The following GAREM2 variants were observed in gnomAD, a reference collection of about 807,000 sequenced individuals.
The protein encoded by GAREM2 is GRB2 associated regulator of MAPK1 subtype 2.
GAREM2 carries 30 observed loss-of-function variants against 55.6 expected under a neutral mutation model. That is an observed-to-expected ratio of 0.54 (90% CI 0.40 to 0.73). The LOEUF is 0.73. GAREM2 is among the 30% of genes least tolerant of loss of function. The pLI is 0.00. For missense variants in GAREM2, 1,075 were observed against 1,257.7 expected (o/e 0.85, Z 2.20); for synonymous variants, 550 against 569.1 (o/e 0.97, Z 0.48).
At chr2:26,185,383 C>T in intron 4 of GAREM2, 107 bp downstream of exon 4, 8 of 1,374,806 alleles carry the variant, frequency 5.8e-6, no homozygotes, top group Non-Finnish European at 6.6e-6. Context: ...TCTTCCTCGG[C>T]GGGGTGGGGA....
intron 2 of GAREM2, chr2:26,182,592 G>A: frequency 1.7e-6 from 2 of 1,180,894 alleles, no homozygotes; most frequent in Non-Finnish European, 2.5e-6. Flanking sequence ...GTCAGGCTGG[G>A]ACAGAGCAAG....
In GAREM2 at chr2:26,186,224, A is replaced by G. The variant is rs1175793808; in HGVS notation, c.1464A>G (p.Pro488=). 1.4e-5 allele frequency: 22 copies of G among 1,542,446 alleles called. No homozygotes were observed. The highest frequency in any genetic ancestry group is 1.8e-5 in the Non-Finnish European group (21 of 1,142,256). ...AGTGCCGCCTGCTCAATGCCCCTCC[A>G]GTGCCTCCCCGGGGTGGCAATGGCA... ...KEECRLLNAP[P]VPPRGGNGSG... Residue 488 remains proline, a synonymous_variant, in exon 5 of 6, where the codon CCA becomes CCG. Coordinates refer to ENST00000401533, the MANE Select transcript of GAREM2 (RefSeq NM_001168241.2).
intron 3 of GAREM2, 64 bp downstream of exon 3, chr2:26,183,161 ACT>A (rs2147732375): frequency 6.6e-7 from 1 of 1,519,438 alleles, no homozygotes; most frequent in East Asian, 2.5e-5. Context: ...GGCAACCCTG[ACT>A]CTGGTTGGAA....
rs1252369231 is a variant in GAREM2, at chr2:26,188,270, G to T, written c.*13G>T. 2 of 1,434,660 alleles carry T rather than the reference G, an allele frequency of 1.4e-6. No individual in the cohort carries two copies. The highest frequency in any genetic ancestry group is 3.0e-5 in the South Asian group (2 of 66,352). The allele number at this position is 1,434,660 out of a possible 1,614,324, so 88.9% of individuals were successfully genotyped here. A position where few individuals can be genotyped will look rare whatever the true frequency, so the allele number is the denominator to read the frequency against. On this transcript the variant is annotated 3_prime_UTR_variant, in exon 6 of 6. Coordinates refer to ENST00000401533, the MANE Select transcript of GAREM2 (RefSeq NM_001168241.2). ...GCCCAAGATCTGAACTGCCCAGCTG[G>T]AGCTGCACAGCTGGAATGCTGGTAT... is the stretch of plus-strand genomic sequence containing the variant.
At position 26,188,445 on chromosome 2, in the gene GAREM2, C is replaced by T; in HGVS notation, c.*188C>T. 2.2e-6 allele frequency: 1 copy of T among 461,886 alleles called. No homozygotes were observed. Among genetic ancestry groups the T allele is most frequent in the South Asian group, 5.1e-5 (1 of 19,430 alleles). The allele number at this position is 461,886 out of a possible 1,614,324, so 28.6% of individuals were successfully genotyped here. A position where few individuals can be genotyped will look rare whatever the true frequency, so the allele number is the denominator to read the frequency against. On this transcript the variant is annotated 3_prime_UTR_variant, in exon 6 of 6. Transcript: ENST00000401533. ...TCTGGGGTCAGACCCCTGCACGGGA[C>T]ATCTTGCCTTTGAGTGTGCAGAGTA...
chr2:26,181,283 C>T (rs766051678), intron 2 of GAREM2: 9 of 261,248 alleles, frequency 3.4e-5, no homozygotes, highest in Non-Finnish European at 5.4e-5. Flanking sequence ...TCCTTCCCTG[C>T]AGGCACGCAC....
At chr2:26,203,734 G>A in the GAREM2 span, among the ~76,000 whole-genome samples, 4 of 151,986 alleles carry the variant, frequency 2.6e-5, no homozygotes, top group South Asian at 6.2e-4. Flanking sequence ...ATCAAAATCC[G>A]CAGGCCTGAT....
chr2:26,191,276 T>C (rs1166344679), downstream of GAREM2: 1 of 1,612,996 alleles, frequency 6.2e-7, no homozygotes, highest in South Asian at 1.1e-5. Context: ...TTGTTAGGGC[T>C]GTTAGCATGG....
chr2:26,186,943 C>G lies in GAREM2; in HGVS notation c.1599-288C>G, dbSNP rs186464043. ...TGAGCCAAGATTGCACCACTGCACT[C>G]CAGCCTGGGCAACAGAGCGAGAACA... On this transcript the variant is annotated intron_variant, in intron 5 of 5. Coordinates refer to ENST00000401533, the MANE Select transcript of GAREM2 (RefSeq NM_001168241.2). 1.4e-4 allele frequency among the ~76,000 whole-genome samples: 21 copies of G among 152,188 alleles called. No individual in the cohort carries two copies. In the East Asian group the frequency reaches 4.0e-3, roughly 29 times the overall value.
At chr2:26,198,224 A>G in the GAREM2 span, among the ~76,000 whole-genome samples, 1 of 152,170 alleles carries the variant, frequency 6.6e-6, no homozygotes, top group African/African-American at 2.4e-5. Context: ...GTCTCATTTT[A>G]TACAGTGTGT....
chr2:26,176,241 T>G (rs1668860537), intron 1 of GAREM2, 103 bp from the exon 2 acceptor site: 1 of 1,171,012 alleles, frequency 8.5e-7, no homozygotes, highest in African/African-American at 1.6e-5. Context: ...GAGCTGTCCC[T>G]CAGGGGGGCG....
rs1668762922 is a variant in GAREM2 at position 26,173,391 on chromosome 2, C to A, written c.112+59C>A. Reference sequence around the variant, plus strand: ...CGCGGGGAAATGGTGGGCTCTCCAGCCAGGGGCCAGAGGGATCGTGAGGAG... The same window carrying A: ...CGCGGGGAAATGGTGGGCTCTCCAGACAGGGGCCAGAGGGATCGTGAGGAG... On this transcript the variant is annotated intron_variant, in intron 1 of 5. Coordinates refer to ENST00000401533, the MANE Select transcript of GAREM2 (RefSeq NM_001168241.2). The A allele has an allele frequency of 7.0e-6, 7 of 1,001,766 alleles. 1 individual carries two copies. The South Asian group carries it at 1.6e-4, about 23-fold the overall frequency. The allele number at this position is 1,001,766 out of a possible 1,614,324, so 62.1% of individuals were successfully genotyped here. A position where few individuals can be genotyped will look rare whatever the true frequency, so the allele number is the denominator to read the frequency against.
the GAREM2 span, among the ~76,000 whole-genome samples, chr2:26,200,759 G>A: frequency 6.7e-6 from 1 of 148,954 alleles, no homozygotes; most frequent in Non-Finnish European, 1.5e-5. Flanking sequence ...TGGAGATGGA[G>A]TCTCGCTCTG....
At chr2:26,203,627 C>T in the GAREM2 span, among the ~76,000 whole-genome samples, 1 of 152,156 alleles carries the variant, frequency 6.6e-6, no homozygotes, top group Non-Finnish European at 1.5e-5. Flanking sequence ...CAGTTACTGC[C>T]CATTTCCTTA....
At chr2:26,193,613 C>G (rs755224363), downstream of GAREM2, 3 of 1,614,050 alleles carry the variant, frequency 1.9e-6, no homozygotes, top group Non-Finnish European at 2.5e-6. Context: ...GTCAGCAGTT[C>G]TGGGTTTCCA....
At position 26,187,589 on chromosome 2, in the gene GAREM2, A is replaced by G; in HGVS notation, c.1957A>G (p.Thr653Ala). Residue 653 changes from threonine to alanine, a missense_variant, in exon 6 of 6, where the codon ACC (threonine) becomes GCC (alanine). Coordinates refer to ENST00000401533, the MANE Select transcript of GAREM2 (RefSeq NM_001168241.2). ...GGCCTTGTCTTCTGGGCCCAGAACC[A>G]CCTCGGGTCCTGTGGCTACCTCTGG... ...SAALSSGPRT[T>A]SGPVATSGPA... The G allele has an allele frequency of 6.5e-7, 1 of 1,547,698 alleles. No homozygotes were observed. The highest frequency in any genetic ancestry group is 8.7e-7 in the Non-Finnish European group (1 of 1,145,142).
rs903939647 is a variant in GAREM2, at chr2:26,179,395, G to T, written c.253+2911G>T. On this transcript the variant is annotated intron_variant, in intron 2 of 5. Transcript: ENST00000401533. This position sits in a 1 kb window ranked among gnomAD's most constrained non-coding sequence, Gnocchi z 4.7. Reference sequence around the variant, plus strand: ...CCCAAGGTCACACAGCTGGCTAGTGGCAGGGTGGGATTCAGCCAGATTTGT... The same window carrying T: ...CCCAAGGTCACACAGCTGGCTAGTGTCAGGGTGGGATTCAGCCAGATTTGT... Among the ~76,000 whole-genome samples the T allele has an allele frequency of 2.6e-5, 4 of 152,356 alleles. No individual in the cohort carries two copies. The highest frequency in any genetic ancestry group is 6.5e-5 in the Admixed American group (1 of 15,306).
the GAREM2 span, chr2:26,194,693 A>G: frequency 8.2e-6 from 9 of 1,103,036 alleles, 1 homozygote; most frequent in South Asian, 1.1e-4. Context: ...CTGAGTCTGA[A>G]ACACTCTACC....
chr2:26,179,661 A>G lies in GAREM2; in HGVS notation c.253+3177A>G, dbSNP rs917107013. Among the ~76,000 whole-genome samples the G allele has an allele frequency of 6.6e-6, 1 of 151,478 alleles. No individual in the cohort carries two copies. Among genetic ancestry groups the G allele is most frequent in the Non-Finnish European group, 1.5e-5 (1 of 67,814 alleles). ...TCCATACAGGGGGAGGCAGGAGAGG[A>G]AGCCGCCCCTGGGCTGGCGGGGAGG... On this transcript the variant is annotated intron_variant, in intron 2 of 5. Coordinates refer to ENST00000401533, the MANE Select transcript of GAREM2 (RefSeq NM_001168241.2). This position sits in a 1 kb window ranked among gnomAD's most constrained non-coding sequence, Gnocchi z 4.7.
Sources: gnomAD v4.1 joint callset for allele counts (sites outside exome capture counted in the v4.1 genomes callset) on GRCh38, gnomAD v4.1.1 for gene constraint, Gnocchi (gnomAD v3.1) non-coding constraint, MANE v1.5 for transcripts, NCBI Gene and HGNC (gene_info 2026-07-23, HGNC 2026-07-21) for gene names.